The following MLXIP variants were observed in gnomAD, a reference collection of about 807,000 sequenced individuals.
MLXIP encodes MLX-interacting protein.
A neutral mutation model predicts 87.2 loss-of-function variants in MLXIP; 30 were observed. The ratio of observed to expected loss-of-function variants is 0.34; its 90% CI spans 0.26 to 0.47. The LOEUF is 0.47. Among genes scored for constraint, MLXIP ranks in the 20% least tolerant of loss-of-function variants. The pLI, the probability that MLXIP is intolerant of heterozygous loss-of-function variation, is 1.00. For missense variants in MLXIP, 1,002 were observed against 1,240.1 expected (o/e 0.81, Z 2.88); for synonymous variants, 530 against 514.0 (o/e 1.03, Z -0.42).
intron 1 of MLXIP, among the ~76,000 whole-genome samples, chr12:122,082,874 A>T (rs1031093828): frequency 1.3e-5 from 2 of 152,178 alleles, no homozygotes; most frequent in African/African-American, 2.4e-5. Flanking sequence ...AGTCTGGAGG[A>T]TAGTGATGTG....
At chr12:122,127,428 C>A in intron 2 of MLXIP, 66 bp downstream of exon 2, 1 of 1,183,678 alleles carries the variant, frequency 8.4e-7, no homozygotes, top group Non-Finnish European at 1.2e-6. Flanking sequence ...CCTGGGCACC[C>A]AGGGACCAGA....
chr12:122,078,799 C>T lies in MLXIP; in HGVS notation c.-55C>T, dbSNP rs1191288771. ...GCCGGGCCGGCGCCCCTCTGCCTCG[C>T]GCGCTTGTCGCGTTGCCCCGGGCTC... On this transcript the variant is annotated 5_prime_UTR_variant, in exon 1 of 17. Coordinates refer to ENST00000319080, the MANE Select transcript of MLXIP (RefSeq NM_014938.6). 7.8e-6 allele frequency: 8 copies of T among 1,030,986 alleles called. No homozygotes were observed. In the East Asian group the frequency reaches 6.7e-4, roughly 87 times the overall value. 63.9% of individuals were successfully genotyped at this position (1,030,986 alleles called of 1,614,324 possible).
Position 122,135,221 on chromosome 12 carries a change from C to T in MLXIP, c.1733-3C>T. 1 of 1,612,892 alleles carries T rather than the reference C, an allele frequency of 6.2e-7. No homozygotes were observed. Among genetic ancestry groups the T allele is most frequent in the South Asian group, 1.1e-5 (1 of 90,928 alleles). On this transcript the variant is annotated splice_region_variant and splice_polypyrimidine_tract_variant and intron_variant, in intron 9 of 16. Transcript: ENST00000319080. The surrounding 1 kb of genome is among the most constrained non-coding windows in gnomAD (Gnocchi z 5.3). ...CACCTGAACATCCTCCTTATCCTGG[C>T]AGCTGCCTTTTCAGGCCAACCACAA...
At chr12:122,085,489 C>T (rs1278714452) in intron 1 of MLXIP, among the ~76,000 whole-genome samples, 16 of 150,476 alleles carry the variant, frequency 1.1e-4, no homozygotes, top group African/African-American at 2.4e-4. Flanking sequence ...CTGCAACCTC[C>T]GCCTCCTGGG....
intron 1 of MLXIP, among the ~76,000 whole-genome samples, chr12:122,094,255 G>A (rs1952306765): frequency 7.2e-6 from 1 of 139,426 alleles, no homozygotes; most frequent in Admixed American, 7.3e-5. Flanking sequence ...ATTGGTGTGT[G>A]TGTTGGTGTG....
At chr12:122,122,462 C>A (rs1651582829) in intron 1 of MLXIP, among the ~76,000 whole-genome samples, 1 of 152,208 alleles carries the variant, frequency 6.6e-6, no homozygotes, top group Admixed American at 6.5e-5. Context: ...CTCCTGGGCT[C>A]CAGGGATCCT....
chr12:122,093,645 TTGG>T (rs1952287284), intron 1 of MLXIP, among the ~76,000 whole-genome samples: 9 of 123,328 alleles, frequency 7.3e-5, no homozygotes, highest in East Asian at 2.6e-4. Flanking sequence ...GTGTGGTGTG[TTGG>T]TGTGTGTGTT....
At chr12:122,116,576 C>G (rs1024617996) in intron 1 of MLXIP, among the ~76,000 whole-genome samples, 3 of 152,178 alleles carry the variant, frequency 2.0e-5, no homozygotes, top group African/African-American at 7.2e-5. Flanking sequence ...ACTCTTCTGG[C>G]GAGGAAACCT....
rs1356405669 is a variant in MLXIP, at chr12:122,078,784, C to T, written c.-70C>T. 1.8e-5 allele frequency: 18 copies of T among 1,020,064 alleles called. No individual in the cohort carries two copies. The highest frequency in any genetic ancestry group is 4.7e-4 in the Middle Eastern group (1 of 2,130). The allele number at this position is 1,020,064 out of a possible 1,614,324, so 63.2% of individuals were successfully genotyped here. The stretch of plus-strand genomic sequence containing the variant: ...CGGCGCGCGGGCCGGGCCGGGCCGG[C>T]GCCCCTCTGCCTCGCGCGCTTGTCG... On this transcript the variant is annotated 5_prime_UTR_variant, in exon 1 of 17. Transcript: ENST00000319080.
intron 1 of MLXIP, 110 bp from the exon 2 acceptor site, chr12:122,127,146 G>A: frequency 2.4e-6 from 2 of 831,626 alleles, no homozygotes; most frequent in Non-Finnish European, 4.0e-6. Context: ...GTGTATGGCT[G>A]GGGGTGGATC....
chr12:122,135,164 CA>C lies in MLXIP; in HGVS notation c.1733-59del. The C allele has an allele frequency of 6.3e-7, 1 of 1,593,598 alleles. No individual in the cohort carries two copies. Among genetic ancestry groups the C allele is most frequent in the Non-Finnish European group, 8.5e-7 (1 of 1,170,526 alleles). ...CTCACTGGCAGAGAGGCAGCCTCTG[CA>C]GGGTGGGCCAGGCCCTGTGGCCCAG... On this transcript the variant is annotated intron_variant, in intron 9 of 16. Transcript: ENST00000319080. This position sits in a 1 kb window ranked among gnomAD's most constrained non-coding sequence, Gnocchi z 5.3.
chr12:122,100,420 C>G (rs911924493), intron 1 of MLXIP, among the ~76,000 whole-genome samples: 9 of 152,120 alleles, frequency 5.9e-5, no homozygotes, highest in African/African-American at 2.2e-4. Flanking sequence ...CAAAATTAAC[C>G]ATTTTTAATG....
intron 1 of MLXIP, among the ~76,000 whole-genome samples, chr12:122,086,919 G>A (rs935466713): frequency 6.6e-6 from 1 of 152,168 alleles, no homozygotes; most frequent in African/African-American, 2.4e-5. Context: ...CCTGCTTCTT[G>A]TGCTGCCGCC....
In MLXIP at chr12:122,095,109, GGT is replaced by G. The variant is rs1182716838; in HGVS notation, c.413+15851_413+15852del. Among the ~76,000 whole-genome samples, 333 of 146,282 alleles carry G rather than the reference GGT, an allele frequency of 2.3e-3. 1 individual carries two copies. Among genetic ancestry groups the G allele is most frequent in the African/African-American group, 8.1e-3 (321 of 39,710 alleles). The stretch of plus-strand genomic sequence containing the variant: ...TGTGTGTGGTGTGTTGGTATGTGTT[GGT>G]GTGTGTGGGGTGTGGGTATGTGTGT... On this transcript the variant is annotated intron_variant, in intron 1 of 16. Transcript: ENST00000319080.
chr12:122,140,089 C>T (rs1434160661), intron 15 of MLXIP, among the ~76,000 whole-genome samples: 1 of 152,188 alleles, frequency 6.6e-6, no homozygotes, highest in Non-Finnish European at 1.5e-5. Context: ...TGGGTGGCGT[C>T]TGGAATGAAT....
intron 1 of MLXIP, among the ~76,000 whole-genome samples, chr12:122,106,008 T>G (rs1301229276): frequency 6.6e-6 from 1 of 152,188 alleles, no homozygotes; most frequent in East Asian, 1.9e-4. Context: ...GCTCTTCTTT[T>G]TCAAGGATTT....
chr12:122,079,843 C>T (rs1565952225), intron 1 of MLXIP, among the ~76,000 whole-genome samples: 1 of 152,200 alleles, frequency 6.6e-6, no homozygotes, highest in Non-Finnish European at 1.5e-5. Context: ...GGAGGCTGGC[C>T]CCCTTACAAC....
At chr12:122,089,822 T>C (rs987602984) in intron 1 of MLXIP, among the ~76,000 whole-genome samples, 1 of 152,214 alleles carries the variant, frequency 6.6e-6, no homozygotes, top group Admixed American at 6.5e-5. Flanking sequence ...CCTAGTACCT[T>C]TGTTATTCGG....
At chr12:122,093,131 GTC>G (rs1952273864) in intron 1 of MLXIP, among the ~76,000 whole-genome samples, 3 of 149,096 alleles carry the variant, frequency 2.0e-5, no homozygotes, top group Non-Finnish European at 4.5e-5. Context: ...TGTGTGTGGG[GTC>G]TGTTGATGTG....
Sources: gnomAD v4.1 joint callset for allele counts (sites outside exome capture counted in the v4.1 genomes callset) on GRCh38, gnomAD v4.1.1 for gene constraint, Gnocchi (gnomAD v3.1) non-coding constraint, MANE v1.5 for transcripts, NCBI Gene and HGNC (gene_info 2026-07-23, HGNC 2026-07-21) for gene names.